The following AKAP12 variants were observed in gnomAD, a reference collection of about 807,000 sequenced individuals.
AKAP12 encodes the protein A-kinase anchoring protein 12.
A neutral mutation model predicts 79.9 loss-of-function variants in AKAP12; 32 were observed. The ratio of observed to expected loss-of-function variants is 0.40; its 90% CI spans 0.30 to 0.54. The LOEUF (loss-of-function observed/expected upper bound fraction) is 0.54. Among genes scored for constraint, AKAP12 ranks in the 20% least tolerant of loss-of-function variants. The pLI is 0.48. For missense variants in AKAP12, 2,074 were observed against 2,177.0 expected (o/e 0.95, Z 0.94); for synonymous variants, 808 against 857.0 (o/e 0.94, Z 1.00).
At chr6:151,339,176 A>G (rs993627933) in intron 3 of AKAP12, among the ~76,000 whole-genome samples, 6 of 152,242 alleles carry the variant, frequency 3.9e-5, no homozygotes, top group Non-Finnish European at 8.8e-5. Flanking sequence ...GAGTTGACAT[A>G]TCGAAATACT....
At chr6:151,333,739 C>CAAAA (rs11292037) in intron 3 of AKAP12, among the ~76,000 whole-genome samples, 1 of 125,136 alleles carries the variant, frequency 8.0e-6, no homozygotes. Context: ...ACTGTGACTT[C>CAAAA]AAAAAAAAAA....
chr6:151,327,644 T>C (rs1777563745), intron 3 of AKAP12, among the ~76,000 whole-genome samples: 1 of 152,206 alleles, frequency 6.6e-6, no homozygotes. Flanking sequence ...TAAAGGTTAA[T>C]AAACTGGGAG....
chr6:151,252,732 G>GAAA (rs1185564468), intron 2 of AKAP12, among the ~76,000 whole-genome samples: 67 of 95,720 alleles, frequency 7.0e-4, no homozygotes, highest in African/African-American at 1.0e-3. Flanking sequence ...CTGTCTCTGG[G>GAAA]AAAAAAAAAA....
intron 3 of AKAP12, chr6:151,341,936 GCCCCAGC>G: frequency 2.0e-6 from 1 of 499,382 alleles, no homozygotes; most frequent in Non-Finnish European, 3.1e-6. Flanking sequence ...CCTTGATCTT[GCCCCAGC>G]CCCCAGCCCT....
chr6:151,283,100 T>G (rs1009652853), intron 2 of AKAP12, among the ~76,000 whole-genome samples: 3 of 152,146 alleles, frequency 2.0e-5, no homozygotes, highest in African/African-American at 7.2e-5. Context: ...ATAAGGAGGC[T>G]GGGCTCCATT....
At chr6:151,260,459 T>C (rs1797404759) in intron 2 of AKAP12, among the ~76,000 whole-genome samples, 1 of 152,194 alleles carries the variant, frequency 6.6e-6, no homozygotes, top group Non-Finnish European at 1.5e-5. Flanking sequence ...ACTTCTGGGA[T>C]GTCAGACAGC....
intron 2 of AKAP12, among the ~76,000 whole-genome samples, chr6:151,286,508 G>A (rs1276702936): frequency 6.6e-6 from 1 of 152,154 alleles, no homozygotes; most frequent in Non-Finnish European, 1.5e-5. Context: ...TTCGGAAACA[G>A]AAAACAAAAC....
chr6:151,253,425 G>C (rs894158776), intron 2 of AKAP12, among the ~76,000 whole-genome samples: 6 of 152,030 alleles, frequency 3.9e-5, no homozygotes, highest in African/African-American at 1.4e-4. Context: ...GACAGGTCTT[G>C]CTGTGTTGCC....
intron 3 of AKAP12, among the ~76,000 whole-genome samples, chr6:151,312,598 A>C (rs534424896): frequency 3.3e-5 from 5 of 152,098 alleles, no homozygotes; most frequent in Admixed American, 2.6e-4. Flanking sequence ...CAGACCATCC[A>C]GGCTAACACG....
In AKAP12 at chr6:151,358,228, A is replaced by G. The variant is rs1313586459; in HGVS notation, c.*2514A>G. 6.6e-6 allele frequency: 1 copy of G among 152,262 alleles called. No individual in the cohort carries two copies. Among genetic ancestry groups the G allele is most frequent in the South Asian group, 2.1e-4 (1 of 4,828 alleles). The allele number at this position is 152,262 out of a possible 1,614,324, so 9.4% of individuals were successfully genotyped here. ...CCTACATTTTGTTATTTTTGGCATT[A>G]CTACAGAGCCATGTACAATAGAAAG... On this transcript the variant is annotated 3_prime_UTR_variant, in exon 5 of 5. Coordinates refer to ENST00000402676, the MANE Select transcript of AKAP12 (RefSeq NM_005100.4).
rs55867750 is a variant in AKAP12, at chr6:151,259,903, CT to C, written c.162+19190del. Among the ~76,000 whole-genome samples the C allele has an allele frequency of 2.8e-4, 41 of 147,230 alleles. No homozygotes were observed. In the East Asian group the frequency reaches 4.6e-3, roughly 16 times the overall value. Reference sequence around the variant, plus strand: ...ACCCTTTTCTTCAATGTAACTTTCTCTTTTTTTTTTTCCTTGCACAAAGCAT... The same window carrying C: ...ACCCTTTTCTTCAATGTAACTTTCTCTTTTTTTTTTCCTTGCACAAAGCAT... On this transcript the variant is annotated intron_variant, in intron 2 of 4. Transcript: ENST00000402676.
chr6:151,240,389 T>C lies in AKAP12; in HGVS notation c.-174T>C, dbSNP rs1796946489. ...TTTTTTCCTTTTCTTTTAAGGAGTTTGCCGCGAGCGCGTCTCCTTCATTCG... is the reference window on the plus strand; with the variant it reads ...TTTTTTCCTTTTCTTTTAAGGAGTTCGCCGCGAGCGCGTCTCCTTCATTCG... On this transcript the variant is annotated 5_prime_UTR_variant, in exon 2 of 5. Transcript: ENST00000402676. 1.7e-6 allele frequency: 1 copy of C among 581,240 alleles called. No individual in the cohort carries two copies. The allele number at this position is 581,240 out of a possible 1,614,324, so 36.0% of individuals were successfully genotyped here. A position where few individuals can be genotyped will look rare whatever the true frequency, so the allele number is the denominator to read the frequency against.
At chr6:151,286,249 C>T (rs185959898) in intron 2 of AKAP12, among the ~76,000 whole-genome samples, 9 of 152,254 alleles carry the variant, frequency 5.9e-5, no homozygotes, top group African/African-American at 2.2e-4. Context: ...GCCCTTTTTC[C>T]TGCAGAAGCA....
intron 2 of AKAP12, among the ~76,000 whole-genome samples, chr6:151,268,457 C>T (rs1776101152): frequency 1.3e-5 from 2 of 152,102 alleles, no homozygotes; most frequent in African/African-American, 4.8e-5. Context: ...TATATGTTCT[C>T]AAATATATGT....
chr6:151,348,829 C>G lies in AKAP12; in HGVS notation c.438C>G (p.Ile146Met), dbSNP rs561437815. ...GGCAGGAGGAGACACCCGAAATAAT[C>G]GAACAGATTCCTTCTTCAGAAAGCA... ...DDGQEETPEIIEQIPSSESNL... is the reference protein window; with the variant it reads ...DDGQEETPEIMEQIPSSESNL... Residue 146 changes from isoleucine to methionine, a missense_variant, in exon 4 of 5, where the codon ATC (isoleucine) becomes ATG (methionine). Ile to Met is a conservative substitution (Grantham distance 10). This residue lies in a region of AKAP12 where 1,428 missense variants were observed against 1,451.0 expected (regional missense o/e 0.98). Coordinates refer to ENST00000402676, the MANE Select transcript of AKAP12 (RefSeq NM_005100.4). 1.2e-6 allele frequency: 2 copies of G among 1,614,086 alleles called. No individual in the cohort carries two copies. The highest frequency in any genetic ancestry group is 2.2e-5 in the East Asian group (1 of 44,864).
intron 2 of AKAP12, among the ~76,000 whole-genome samples, chr6:151,262,602 C>G (rs1020436563): frequency 2.7e-5 from 3 of 112,148 alleles, no homozygotes; most frequent in Admixed American, 2.5e-4. Flanking sequence ...AGTTCAAACA[C>G]TTGAAGTTCA....
intron 2 of AKAP12, among the ~76,000 whole-genome samples, chr6:151,260,711 T>C (rs1797410017): frequency 6.6e-6 from 1 of 152,118 alleles, no homozygotes; most frequent in African/African-American, 2.4e-5. Context: ...TTTCTCTTTA[T>C]TTTGGGTGCA....
intron 2 of AKAP12, among the ~76,000 whole-genome samples, chr6:151,262,795 G>C (rs978803977): frequency 7.2e-5 from 11 of 152,056 alleles, no homozygotes; most frequent in Admixed American, 2.6e-4. Context: ...TTAGTACAGG[G>C]AGCATCATGC....
intron 3 of AKAP12, among the ~76,000 whole-genome samples, chr6:151,320,605 C>T (rs969534575): frequency 3.9e-5 from 6 of 152,134 alleles, no homozygotes; most frequent in Non-Finnish European, 8.8e-5. Context: ...TCATTCCGTT[C>T]GGGTGATCCC....
Sources: allele counts gnomAD v4.1 joint callset (sites outside exome capture counted in the v4.1 genomes callset), GRCh38; gene constraint gnomAD v4.1.1; regional missense constraint gnomAD v4.1.1; transcripts MANE v1.5; gene names NCBI Gene and HGNC (gene_info 2026-07-23, HGNC 2026-07-21).